The following MKLN1 variants were observed in gnomAD, a reference collection of about 807,000 sequenced individuals.
The protein encoded by MKLN1 is muskelin 1.
In MKLN1, 18 loss-of-function variants were observed where a neutral mutation model predicts 99.0. That is an observed-to-expected ratio of 0.18 (90% CI 0.13 to 0.27). The LOEUF (loss-of-function observed/expected upper bound fraction) is 0.27, where lower values mean the gene tolerates loss of function less well. MKLN1 is among the 10% of genes least tolerant of loss of function. MKLN1 has a pLI of 1.00. For missense variants in MKLN1, 621 were observed against 875.9 expected (o/e 0.71, Z 3.67); for synonymous variants, 288 against 293.2 (o/e 0.98, Z 0.18).
chr7:131,139,862 G>A (rs190557814), intron 1 of MKLN1, among the ~76,000 whole-genome samples: 128 of 152,280 alleles, frequency 8.4e-4, no homozygotes, highest in Non-Finnish European at 1.4e-3. Flanking sequence ...ACCAGTACTG[G>A]TTTTTGGGCT....
rs148718558 is a variant in MKLN1, at chr7:131,386,308, G to A, written c.169-812G>A. Among the ~76,000 whole-genome samples the A allele has an allele frequency of 7.9e-5, 12 of 152,070 alleles. No homozygotes were observed. The East Asian group carries it at 2.3e-3, about 29-fold the overall frequency. On this transcript the variant is annotated intron_variant, in intron 2 of 17. Coordinates refer to ENST00000352689, the MANE Select transcript of MKLN1 (RefSeq NM_013255.5). The stretch of plus-strand genomic sequence containing the variant: ...ATTACAGGTGTGAGCCACCGCACCC[G>A]GCCAGGTCTTCAGTCCTAAAGGATT...
intron 1 of MKLN1, among the ~76,000 whole-genome samples, chr7:131,364,838 T>G (rs1393815295): frequency 2.0e-5 from 3 of 152,190 alleles, no homozygotes; most frequent in Admixed American, 6.5e-5. Flanking sequence ...TACCACATTT[T>G]CTTTATCTAA....
intron 2 of MKLN1, among the ~76,000 whole-genome samples, chr7:131,158,591 G>T (rs1301220593): frequency 6.6e-6 from 1 of 152,084 alleles, no homozygotes; most frequent in Non-Finnish European, 1.5e-5. Context: ...TTTTTCTCTA[G>T]ATCACACACT....
intron 3 of MKLN1, among the ~76,000 whole-genome samples, chr7:131,254,934 C>T (rs1797636664): frequency 2.6e-5 from 4 of 151,916 alleles, no homozygotes; most frequent in Admixed American, 1.3e-4. Flanking sequence ...CTCTGTTGCC[C>T]AGGCTGGAGC....
chr7:131,424,190 AAAGAT>A (rs1171499022), intron 8 of MKLN1, among the ~76,000 whole-genome samples: 3 of 145,824 alleles, frequency 2.1e-5, no homozygotes, highest in Non-Finnish European at 4.5e-5. Context: ...TTTCTATCTT[AAAGAT>A]AAATTTGTTT....
chr7:131,398,676 G>A (rs577799552), intron 5 of MKLN1, among the ~76,000 whole-genome samples: 1 of 151,414 alleles, frequency 6.6e-6, no homozygotes, highest in Non-Finnish European at 1.5e-5. Flanking sequence ...GGGAGACAGA[G>A]CAAGACCCTG....
intron 2 of MKLN1, among the ~76,000 whole-genome samples, chr7:131,200,516 A>C (rs1796711670): frequency 6.6e-6 from 1 of 152,256 alleles, no homozygotes; most frequent in Non-Finnish European, 1.5e-5. Context: ...CTTGCATTTG[A>C]CTAATGCTAA....
chr7:131,200,009 T>C (rs1163906743), intron 2 of MKLN1, among the ~76,000 whole-genome samples: 1 of 152,174 alleles, frequency 6.6e-6, no homozygotes, highest in Non-Finnish European at 1.5e-5. Flanking sequence ...TGTAATTTTT[T>C]AAATGTGTTG....
intron 3 of MKLN1, among the ~76,000 whole-genome samples, chr7:131,295,241 A>G (rs774649245): frequency 9.9e-5 from 15 of 152,146 alleles, no homozygotes; most frequent in African/African-American, 1.4e-4. Flanking sequence ...TCCTGGGCTC[A>G]AGCAATCCTC....
chr7:131,327,951 T>C lies in MKLN1; in HGVS notation c.52T>C (p.Tyr18His). 1 of 1,613,722 alleles carries C rather than the reference T, an allele frequency of 6.2e-7. No homozygotes were observed. Among genetic ancestry groups the C allele is most frequent in the Non-Finnish European group, 8.5e-7 (1 of 1,179,832 alleles). Residue 18 changes from tyrosine to histidine, a missense_variant, in exon 1 of 18, where the codon TAC becomes CAC. Physicochemically the swap from Tyr to His is moderately conservative, Grantham distance 83. Transcript: ENST00000352689. ...AAAPECRLLP[Y>H]ALHKWSSFSS... ...GGCGCCCGAGTGCCGGCTTCTCCCCTACGCGCTACACAAGTGGAGCTCCTT... is the reference window on the plus strand; with the variant it reads ...GGCGCCCGAGTGCCGGCTTCTCCCCCACGCGCTACACAAGTGGAGCTCCTT...
intron 3 of MKLN1, among the ~76,000 whole-genome samples, chr7:131,292,553 A>G (rs984529190): frequency 1.3e-5 from 2 of 152,212 alleles, no homozygotes; most frequent in Non-Finnish European, 2.9e-5. Flanking sequence ...TGCTGTCCTT[A>G]TAAGAAGACC....
In MKLN1 at chr7:131,491,919, A is replaced by G. The variant is rs191164289; in HGVS notation, c.*4191A>G. 19 of 152,070 alleles carry G rather than the reference A, an allele frequency of 1.2e-4. 1 individual carries two copies. In the South Asian group the frequency reaches 1.7e-3, roughly 13 times the overall value. 9.4% of individuals were successfully genotyped at this position (152,070 alleles called of 1,614,324 possible). ...TTCTGTAGGACATTGTATTGCTTGG[A>G]AAAAAAAAGATCAAAATCATTCTGG... On this transcript the variant is annotated 3_prime_UTR_variant, in exon 18 of 18. Transcript: ENST00000352689.
intron 3 of MKLN1, among the ~76,000 whole-genome samples, chr7:131,249,812 G>A (rs1220575430): frequency 6.6e-6 from 1 of 152,158 alleles, no homozygotes; most frequent in Non-Finnish European, 1.5e-5. Flanking sequence ...ATATGCAGGG[G>A]AAGGGGCAGG....
intron 3 of MKLN1, among the ~76,000 whole-genome samples, chr7:131,263,368 T>TAATAATAATAATAAAA: frequency 7.1e-6 from 1 of 140,412 alleles, no homozygotes; most frequent in South Asian, 2.3e-4. Context: ...ATAATAATAA[T>TAATAATAATAATAAAA]AATAAAATTA....
At chr7:131,279,737 G>T (rs1436379739) in intron 3 of MKLN1, among the ~76,000 whole-genome samples, 2 of 152,144 alleles carry the variant, frequency 1.3e-5, no homozygotes, top group African/African-American at 4.8e-5. Context: ...GCCTGGCAAG[G>T]TGGAGACTGC....
chr7:131,447,547 T>C (rs1025940701), intron 12 of MKLN1, among the ~76,000 whole-genome samples: 2 of 152,000 alleles, frequency 1.3e-5, no homozygotes, highest in African/African-American at 4.8e-5. Context: ...AAAATAAAAA[T>C]AAAATAGCAG....
chr7:131,275,900 C>G (rs1203364972), intron 3 of MKLN1, among the ~76,000 whole-genome samples: 1 of 152,062 alleles, frequency 6.6e-6, no homozygotes, highest in African/African-American at 2.4e-5. Context: ...CAAGTAACAG[C>G]GTTTGACCAA....
intron 4 of MKLN1, among the ~76,000 whole-genome samples, chr7:131,390,608 C>T (rs1428355696): frequency 6.6e-6 from 1 of 152,024 alleles, no homozygotes; most frequent in Non-Finnish European, 1.5e-5. Context: ...GATGTTTTGA[C>T]ATATGAATAC....
At chr7:131,453,341 A>G in intron 12 of MKLN1, among the ~76,000 whole-genome samples, 1 of 152,246 alleles carries the variant, frequency 6.6e-6, no homozygotes, top group African/African-American at 2.4e-5. Context: ...AATAGAGCAG[A>G]TAGTATAAAA....
Sources: allele counts gnomAD v4.1 joint callset (sites outside exome capture counted in the v4.1 genomes callset), GRCh38; gene constraint gnomAD v4.1.1; transcripts MANE v1.5; gene names NCBI Gene and HGNC (gene_info 2026-07-23, HGNC 2026-07-21).